NLRP9: variants seen among roughly 807,000 people sequenced by gnomAD.
The protein encoded by NLRP9 is NACHT, LRR and PYD domains-containing protein 9.
Under a neutral mutation model 83.1 loss-of-function variants are expected in NLRP9, and 88 were observed. The observed-to-expected ratio is 1.06, with a 90% confidence interval of 0.89 to 1.26. NLRP9 has a LOEUF of 1.26. Ranked by LOEUF, NLRP9 falls within the 50% of genes most tolerant of loss-of-function variation. The pLI is 0.00. For missense variants in NLRP9, 1,308 were observed against 1,179.3 expected (o/e 1.11, Z -1.60); for synonymous variants, 521 against 447.6 (o/e 1.16, Z -2.07).
At chr19:55,730,393 A>G (rs1484459417) in intron 2 of NLRP9, among the ~76,000 whole-genome samples, 2 of 151,992 alleles carry the variant, frequency 1.3e-5, no homozygotes, top group Non-Finnish European at 2.9e-5. Flanking sequence ...GTACAAGACT[A>G]AAGTGAGCTA....
At chr19:55,725,182 AAT>A (rs1257493844) in intron 3 of NLRP9, among the ~76,000 whole-genome samples, 4 of 152,372 alleles carry the variant, frequency 2.6e-5, no homozygotes, top group South Asian at 4.1e-4. Flanking sequence ...CGTAACTACA[AAT>A]ATGTGTCTAT....
intron 2 of NLRP9, among the ~76,000 whole-genome samples, chr19:55,731,211 A>T (rs970569938): frequency 1.3e-5 from 2 of 149,394 alleles, no homozygotes; most frequent in Middle Eastern, 3.4e-3. Context: ...AATACAAGGC[A>T]AAATCAGCAG....
At chr19:55,712,343 C>G in intron 7 of NLRP9, 77 bp downstream of exon 7, 1 of 1,257,946 alleles carries the variant, frequency 7.9e-7, no homozygotes, top group Non-Finnish European at 1.1e-6. Flanking sequence ...GCCTCCCTTC[C>G]ATTCTATTGA....
intron 6 of NLRP9, among the ~76,000 whole-genome samples, chr19:55,714,231 T>C (rs1987920307): frequency 6.6e-6 from 1 of 152,102 alleles, no homozygotes. Context: ...GCATTGATCA[T>C]AGTCCTTCAT....
In NLRP9 at chr19:55,716,627, TCTG is replaced by T. The variant is rs1339522603; in HGVS notation, c.2330+98_2330+100del. 3.2e-6 allele frequency: 3 copies of T among 943,808 alleles called. No individual in the cohort carries two copies. In the African/African-American group the frequency reaches 4.8e-5, roughly 15 times the overall value. 58.5% of individuals were successfully genotyped at this position (943,808 alleles called of 1,614,324 possible). ...TCAGGTCTAGCTACGGATTCCGCAT[TCTG>T]CTGCACCCCTCAGTGAGCACCGCGT... On this transcript the variant is annotated intron_variant, in intron 5 of 8. Transcript: ENST00000332836.
rs781760048 is a variant in NLRP9 at position 55,738,190 on chromosome 19, T to C, written c.185A>G (p.His62Arg). ...CTCCCATGCCTGCTTTCCTGGGTAA[T>C]GTTTGTCCAGCAGCTTTGCTACATC... Reference protein sequence around the residue: ...KEDVAKLLDKHYPGKQAWEVT... With the variant: ...KEDVAKLLDKRYPGKQAWEVT... Residue 62 changes from histidine to arginine, a missense_variant, in exon 1 of 9, where the codon CAT becomes CGT. Transcript: ENST00000332836. The C allele has an allele frequency of 8.1e-6, 13 of 1,614,052 alleles. No homozygotes were observed. The highest frequency in any genetic ancestry group is 1.3e-5 in the African/African-American group (1 of 74,928).
intron 1 of NLRP9, among the ~76,000 whole-genome samples, chr19:55,733,919 A>AATTTTTTTT (rs1555796186): frequency 2.5e-4 from 29 of 117,856 alleles, no homozygotes; most frequent in Non-Finnish European, 3.2e-4. Context: ...TGTCAACCAA[A>AATTTTTTTT]TTTTTTTTTT....
chr19:55,733,994 C>T (rs1254573968), intron 1 of NLRP9, among the ~76,000 whole-genome samples: 2 of 141,136 alleles, frequency 1.4e-5, no homozygotes, highest in East Asian at 2.0e-4. Context: ...GGGATCTCGG[C>T]TCACTGCAAG....
At chr19:55,712,351 T>TG in intron 7 of NLRP9, 69 bp downstream of exon 7, 2 of 1,346,172 alleles carry the variant, frequency 1.5e-6, no homozygotes, top group South Asian at 2.5e-5. Flanking sequence ...TCCATTCTAT[T>TG]GACCCTCCAG....
chr19:55,715,119 CT>C lies in NLRP9; in HGVS notation c.2436del (p.Asp813IlefsTer11), dbSNP rs1987956632. 1 of 1,613,148 alleles carries C rather than the reference CT, an allele frequency of 6.2e-7. No homozygotes were observed. Among genetic ancestry groups the C allele is most frequent in the Non-Finnish European group, 8.5e-7 (1 of 1,179,914 alleles). ...SLLDLGSNAL[E>X]DNGVASLCAA... ...GCACACAGAGATGCCACTCCATTAT[CT>C]TCCAGGGCATTTGAGCCCAGATCGA... On this transcript the variant is annotated frameshift_variant, in exon 6 of 9. Transcript: ENST00000332836. LOFTEE classifies it high-confidence loss of function.
chr19:55,724,041 A>T lies in NLRP9; in HGVS notation c.2098T>A (p.Ser700Thr), dbSNP rs763253300. The T allele has an allele frequency of 4.5e-5, 72 of 1,613,846 alleles. No homozygotes were observed. Among genetic ancestry groups the T allele is most frequent in the Non-Finnish European group, 6.0e-5 (71 of 1,179,834 alleles). The change falls in exon 4 of 9, where the codon TCT becomes ACT. Residue 700 changes from serine to threonine, a missense_variant. Transcript: ENST00000332836. Reference sequence around the variant, plus strand: ...GTCTCACACAGGTGTCTGATGTCAGACTGGGAGAGGCTAGTGCCGTACAGG... The same window carrying T: ...GTCTCACACAGGTGTCTGATGTCAGTCTGGGAGAGGCTAGTGCCGTACAGG... Reference protein sequence around the residue: ...LSLYGTSLSQSDIRHLCETLK... With the variant: ...LSLYGTSLSQTDIRHLCETLK...
rs760990493 is a variant in NLRP9, at chr19:55,733,081, C to T, written c.750G>A (p.Arg250=). The T allele has an allele frequency of 1.2e-6, 2 of 1,613,730 alleles. No homozygotes were observed. Among genetic ancestry groups the T allele is most frequent in the African/African-American group, 2.7e-5 (2 of 75,026 alleles). ...TGCTCAGGATAATTGGCATTGGCTGCCGCTGCCTCCAATCATCGCTCAAGT... is the reference window on the plus strand; with the variant it reads ...TGCTCAGGATAATTGGCATTGGCTGTCGCTGCCTCCAATCATCGCTCAAGT... The part of the protein sequence containing the change: ...KADLSDDWRQ[R]QPMPIILSSL... The change falls in exon 2 of 9, where the codon CGG becomes CGA. Residue 250 remains arginine (R), a synonymous_variant. Transcript: ENST00000332836.
chr19:55,709,882 C>T (rs1987637983), intron 8 of NLRP9: 1 of 152,150 alleles, frequency 6.6e-6, no homozygotes, highest in African/African-American at 2.4e-5. Flanking sequence ...GGAACATAGG[C>T]CTTCCTGAAA....
chr19:55,737,552 T>C (rs1988816363), intron 1 of NLRP9: 1 of 154,630 alleles, frequency 6.5e-6, no homozygotes, highest in African/African-American at 2.4e-5. Context: ...ACCCGGGACA[T>C]ACGCTGTCTG....
chr19:55,730,801 A>G (rs1402251716), intron 2 of NLRP9, among the ~76,000 whole-genome samples: 1 of 152,136 alleles, frequency 6.6e-6, no homozygotes, highest in Non-Finnish European at 1.5e-5. Context: ...AAGAATAGCT[A>G]GTGGATATCG....
In NLRP9 at chr19:55,733,637, C is replaced by T. The variant is rs1022790570; in HGVS notation, c.281-87G>A. The T allele has an allele frequency of 2.2e-4, 180 of 821,428 alleles. 1 individual carries two copies. The East Asian group carries it at 4.5e-3, about 21-fold the overall frequency. 50.9% of individuals were successfully genotyped at this position (821,428 alleles called of 1,614,324 possible). ...AGAACTGTAAACCAAAAATAAAATT[C>T]TAATACTCGCCAGCCATCTGAAGCC... On this transcript the variant is annotated intron_variant, in intron 1 of 8. Coordinates refer to ENST00000332836, the MANE Select transcript of NLRP9 (RefSeq NM_176820.4).
intron 8 of NLRP9, chr19:55,709,532 A>G (rs1195809435): frequency 2.0e-5 from 3 of 152,246 alleles, no homozygotes; most frequent in African/African-American, 7.2e-5. Flanking sequence ...TACACCCATA[A>G]ATATGTCAAA....
intron 3 of NLRP9, among the ~76,000 whole-genome samples, chr19:55,725,971 A>G (rs1988389221): frequency 6.6e-6 from 1 of 151,994 alleles, no homozygotes; most frequent in African/African-American, 2.4e-5. Flanking sequence ...GGTTGCAGTG[A>G]GCCGAGATTG....
Position 55,715,052 on chromosome 19 carries a change from T to C in NLRP9, c.2501+3A>G, listed in dbSNP as rs1203396208. 1 of 1,605,036 alleles carries C rather than the reference T, an allele frequency of 6.2e-7. No homozygotes were observed. Among genetic ancestry groups the C allele is most frequent in the Non-Finnish European group, 8.5e-7 (1 of 1,176,280 alleles). ...CATTGAAGCAAATCATGGCCGGTCCTACCACAGCTCCCGTATGCTGCAGCC... is the reference window on the plus strand; with the variant it reads ...CATTGAAGCAAATCATGGCCGGTCCCACCACAGCTCCCGTATGCTGCAGCC... On this transcript the variant is annotated splice_donor_region_variant and intron_variant, in intron 6 of 8. Transcript: ENST00000332836.
Sources: allele counts gnomAD v4.1 joint callset (sites outside exome capture counted in the v4.1 genomes callset), GRCh38; gene constraint gnomAD v4.1.1; transcripts MANE v1.5; gene names NCBI Gene and HGNC (gene_info 2026-07-23, HGNC 2026-07-21).